Variants in LINS1 observed in about 807,000 individuals in gnomAD.
LINS1 encodes lines homolog 1.
In LINS1, 27 loss-of-function variants were observed where a neutral mutation model predicts 41.6. That is an observed-to-expected ratio of 0.65 (90% CI 0.48 to 0.89). The LOEUF is 0.89. Ranked by LOEUF, LINS1 falls within the 40% of genes least tolerant of loss-of-function variation. The probability of loss-of-function intolerance (pLI) is 0.00; values close to 1 mark genes in which losing one functional copy is unlikely to be tolerated. For synonymous variants in LINS1, 336 were observed against 312.9 expected (o/e 1.07, Z -0.78); for missense variants, 955 against 884.1 (o/e 1.08, Z -1.02).
At chr15:100,572,800 T>C (rs4965317) in intron 5 of LINS1, 199,190 of 949,614 alleles carry the variant, frequency 0.21, 21,672 homozygotes, top group Admixed American at 0.34. Flanking sequence ...CTGGAAATTA[T>C]ATATGTAACA....
intron 3 of LINS1, among the ~76,000 whole-genome samples, chr15:100,576,081 T>C (rs375721854): frequency 2.0e-5 from 3 of 152,112 alleles, no homozygotes; most frequent in Non-Finnish European, 4.4e-5. Context: ...AGGAAAGATC[T>C]AAAATTGACA....
At chr15:100,591,464 T>A (rs1308710189) in intron 1 of LINS1, among the ~76,000 whole-genome samples, 2 of 152,308 alleles carry the variant, frequency 1.3e-5, no homozygotes, top group East Asian at 1.9e-4. Context: ...GAGAATTTTT[T>A]AAAATAAAAT....
intron 1 of LINS1, among the ~76,000 whole-genome samples, chr15:100,592,909 T>C (rs12594388): frequency 0.44 from 66,933 of 152,120 alleles, 15,498 homozygotes; most frequent in Non-Finnish European, 0.53. Context: ...TAAATGTCCG[T>C]GGGTAGCCCA....
chr15:100,574,955 G>C (rs772037777), intron 4 of LINS1, 32 bp downstream of exon 4: 1 of 1,606,472 alleles, frequency 6.2e-7, no homozygotes, highest in African/African-American at 1.3e-5. Flanking sequence ...GGAGCAAGAT[G>C]ATGATTGTTT....
chr15:100,579,195 AT>A (rs1206027594), intron 3 of LINS1, among the ~76,000 whole-genome samples: 2 of 146,484 alleles, frequency 1.4e-5, no homozygotes, highest in African/African-American at 5.3e-5. Context: ...ATATAAAAAA[AT>A]AAAAAACTAA....
intron 3 of LINS1, among the ~76,000 whole-genome samples, chr15:100,576,056 C>G (rs1447516501): frequency 6.6e-6 from 1 of 151,942 alleles, no homozygotes; most frequent in Admixed American, 6.6e-5. Flanking sequence ...GCACTAAATG[C>G]CCACAAGAGA....
intron 3 of LINS1, among the ~76,000 whole-genome samples, chr15:100,578,190 A>G (rs1293450390): frequency 6.6e-6 from 1 of 152,118 alleles, no homozygotes; most frequent in Non-Finnish European, 1.5e-5. Context: ...TAATTAAACT[A>G]AAGAGCTTCT....
intron 1 of LINS1, among the ~76,000 whole-genome samples, chr15:100,584,128 CTTTAT>C (rs2038692291): frequency 1.3e-5 from 2 of 152,178 alleles, no homozygotes; most frequent in African/African-American, 4.8e-5. Context: ...ATTGCACTTA[CTTTAT>C]ATTTTAGTTA....
Position 100,569,286 on chromosome 15 carries a change from C to G in LINS1, c.2226G>C (p.Leu742Phe). Residue 742 changes from leucine to phenylalanine, a missense_variant, in exon 7 of 7, where the codon TTG becomes TTC. Coordinates refer to ENST00000314742, the MANE Select transcript of LINS1 (RefSeq NM_001040616.3). ...FPYNPTALLK[L>F]LKYIEVISNK... is the part of the protein sequence containing the mutation. ...TACTTATCACCTCTATGTATTTTAA[C>G]AACTTCAAAAGTGCAGTTGGATTAT... 2 of 1,610,718 alleles carry G rather than the reference C, an allele frequency of 1.2e-6. No homozygotes were observed. The highest frequency in any genetic ancestry group is 8.5e-7 in the Non-Finnish European group (1 of 1,176,950).
chr15:100,594,210 T>A (rs115614767), intron 1 of LINS1, among the ~76,000 whole-genome samples: 40 of 152,368 alleles, frequency 2.6e-4, no homozygotes, highest in African/African-American at 9.6e-4. Context: ...ATTATTTTTA[T>A]TATTGTATTG....
At position 100,578,601 on chromosome 15, in the gene LINS1, G is replaced by A. The variant is rs191264663; in HGVS notation, c.489+1662C>T. On this transcript the variant is annotated intron_variant, in intron 3 of 6. Coordinates refer to ENST00000314742, the MANE Select transcript of LINS1 (RefSeq NM_001040616.3). ...GGGACTGTAAACTAGTTCAACCAGC[G>A]TGGAAGACAGTGTGGCGATTCCTCA... Among the ~76,000 whole-genome samples the A allele has an allele frequency of 2.8e-3, 431 of 152,328 alleles. 1 individual carries two copies. Among genetic ancestry groups the A allele is most frequent in the South Asian group, 6.0e-3 (29 of 4,818 alleles).
chr15:100,585,952 A>T (rs2038785037), intron 1 of LINS1, among the ~76,000 whole-genome samples: 1 of 152,248 alleles, frequency 6.6e-6, no homozygotes, highest in African/African-American at 2.4e-5. Flanking sequence ...GAAGATTATT[A>T]AACTATAAAC....
In LINS1 at chr15:100,575,061, T is replaced by A. The variant is rs778596668; in HGVS notation, c.557A>T (p.Lys186Ile). ...AAGAGTCCAGAGGCAGTATATTGCT[T>A]TATTACTCTCAGAGTATTCAGAAAG... ...KNLSEYSESN[K>I]AIYCLWTLTA... The change falls in exon 4 of 7, where the codon AAA becomes ATA. Residue 186 changes from lysine (K) to isoleucine (I), a missense_variant. Physicochemically the swap from Lys to Ile is moderately radical, Grantham distance 102. Transcript: ENST00000314742. The A allele has an allele frequency of 1.9e-6, 3 of 1,612,664 alleles. No homozygotes were observed. The highest frequency in any genetic ancestry group is 1.7e-6 in the Non-Finnish European group (2 of 1,179,222).
chr15:100,600,564 A>AAAAAAAAC (rs1249854824), intron 1 of LINS1, among the ~76,000 whole-genome samples: 7 of 147,092 alleles, frequency 4.8e-5, no homozygotes, highest in Non-Finnish European at 1.1e-4. Flanking sequence ...AAAAAAAAAA[A>AAAAAAAAC]AAAAAAACAG....
chr15:100,571,749 G>GT (rs2037837884), intron 6 of LINS1, 145 bp downstream of exon 6: 3 of 951,646 alleles, frequency 3.2e-6, no homozygotes, highest in South Asian at 1.5e-5. Context: ...TCCTTTTCAT[G>GT]TAAGTCAGGG....
chr15:100,580,701 C>T lies in LINS1; in HGVS notation c.142G>A (p.Glu48Lys). The change falls in exon 2 of 7, where the codon GAA becomes AAA. Residue 48 changes from glutamate (E) to lysine (K), a missense_variant. Transcript: ENST00000314742. ...DQDCSTATSL[E>K]WANTCGIQGR... ...TGGATACCACAGGTGTTTGCCCATT[C>T]TAAGGAGGTGGCTGTAGAACAATCT... 6.2e-7 allele frequency: 1 copy of T among 1,613,442 alleles called. No individual in the cohort carries two copies. The highest frequency in any genetic ancestry group is 1.7e-5 in the Admixed American group (1 of 59,890).
At chr15:100,592,312 C>T (rs56177932) in intron 1 of LINS1, among the ~76,000 whole-genome samples, 2,263 of 152,288 alleles carry the variant, frequency 0.015, 59 homozygotes, top group African/African-American at 0.051. Flanking sequence ...TTGTTCAAGA[C>T]GCCAAGAACC....
chr15:100,580,211 T>TA (rs1428227500), intron 3 of LINS1, 52 bp downstream of exon 3: 26 of 1,362,266 alleles, frequency 1.9e-5, no homozygotes, highest in African/African-American at 1.6e-4. Context: ...CATTTAAATT[T>TA]AAAAAAAATT....
rs764655480 is a variant in LINS1 at position 100,569,612 on chromosome 15, C to A, written c.1900G>T (p.Asp634Tyr). Residue 634 changes from aspartate (D) to tyrosine (Y), a missense_variant, in exon 7 of 7, where the codon GAT (aspartate) becomes TAT (tyrosine). Asp to Tyr is a radical substitution (Grantham distance 160). Transcript: ENST00000314742. ...QSLVDYDSSD[D>Y]SDVESTEQCL... ...TGCTCTGTGGATTCCACGTCAGAAT[C>A]GTCAGAGCTGTCGTAATCTACCAGA... 6.2e-7 allele frequency: 1 copy of A among 1,613,432 alleles called. No individual in the cohort carries two copies. Among genetic ancestry groups the A allele is most frequent in the Non-Finnish European group, 8.5e-7 (1 of 1,179,474 alleles).
Sources: gnomAD v4.1 joint callset for allele counts (sites outside exome capture counted in the v4.1 genomes callset) on GRCh38, gnomAD v4.1.1 for gene constraint, MANE v1.5 for transcripts, NCBI Gene and HGNC (gene_info 2026-07-23, HGNC 2026-07-21) for gene names.